The following HSD11B1 variants were observed in gnomAD, a reference collection of about 807,000 sequenced individuals.
HSD11B1 encodes 11-beta-hydroxysteroid dehydrogenase 1.
HSD11B1 carries 15 observed loss-of-function variants against 22.1 expected under a neutral mutation model. That is an observed-to-expected ratio of 0.68 (90% CI 0.45 to 1.04). The LOEUF (loss-of-function observed/expected upper bound fraction) is 1.04, where lower values mean the gene tolerates loss of function less well. Among genes scored for constraint, HSD11B1 ranks in the 50% least tolerant of loss-of-function variants. HSD11B1 has a pLI of 0.00. For missense variants in HSD11B1, 281 were observed against 357.6 expected (o/e 0.79, Z 1.73); for synonymous variants, 122 against 125.2 (o/e 0.97, Z 0.17).
chr1:209,729,272 T>A (rs1288773631), intron 4 of HSD11B1, among the ~76,000 whole-genome samples: 1 of 151,632 alleles, frequency 6.6e-6, no homozygotes, highest in Non-Finnish European at 1.5e-5. Flanking sequence ...GGCAGAAGAA[T>A]CACTAGAACT....
At chr1:209,714,863 G>A (rs1026336014) in intron 4 of HSD11B1, among the ~76,000 whole-genome samples, 1 of 152,194 alleles carries the variant, frequency 6.6e-6, no homozygotes, top group Non-Finnish European at 1.5e-5. Context: ...TGAGTGAGAT[G>A]AGGATGGCAT....
At chr1:209,726,573 G>C (rs1178590687) in intron 4 of HSD11B1, among the ~76,000 whole-genome samples, 4 of 152,148 alleles carry the variant, frequency 2.6e-5, no homozygotes, top group African/African-American at 9.7e-5. Context: ...GGGTGACAGA[G>C]TGAGACCCTG....
At chr1:209,721,469 C>CAAAAA (rs3059693) in intron 4 of HSD11B1, among the ~76,000 whole-genome samples, 2,119 of 101,746 alleles carry the variant, frequency 0.021, 82 homozygotes, top group African/African-American at 0.065. Context: ...ATTTCAAAAG[C>CAAAAA]AAAAAAAAAA....
At chr1:209,705,781 T>C (rs2076854883) in intron 1 of HSD11B1, 30 bp from the exon 2 acceptor site, 5 of 1,612,800 alleles carry the variant, frequency 3.1e-6, no homozygotes, top group Middle Eastern at 1.8e-4. Flanking sequence ...AACTTGGGTA[T>C]GGTCCTCACT....
At chr1:209,721,797 A>T (rs1420615938) in intron 4 of HSD11B1, among the ~76,000 whole-genome samples, 1 of 152,210 alleles carries the variant, frequency 6.6e-6, no homozygotes, top group Non-Finnish European at 1.5e-5. Flanking sequence ...TCCTTGGACT[A>T]CATGGTTGAT....
At chr1:209,719,054 A>AAAGAT (rs2076948983) in intron 4 of HSD11B1, among the ~76,000 whole-genome samples, 1 of 150,862 alleles carries the variant, frequency 6.6e-6, no homozygotes, top group Admixed American at 6.6e-5. Context: ...AAAGAAAAGA[A>AAAGAT]AGCAGGGTCT....
At chr1:209,721,440 T>C (rs1000282) in intron 4 of HSD11B1, among the ~76,000 whole-genome samples, 28,329 of 148,422 alleles carry the variant, frequency 0.19, 2,777 homozygotes, top group Non-Finnish European at 0.2. Context: ...TCTTGCAACT[T>C]TTCTTTAAGT....
At chr1:209,713,736 G>T (rs1217881768) in intron 4 of HSD11B1, among the ~76,000 whole-genome samples, 1 of 152,166 alleles carries the variant, frequency 6.6e-6, no homozygotes, top group African/African-American at 2.4e-5. Flanking sequence ...CAATGTAAAT[G>T]CTATGTAAAT....
intron 1 of HSD11B1, among the ~76,000 whole-genome samples, chr1:209,693,675 C>T (rs1199539031): frequency 6.6e-6 from 1 of 152,212 alleles, no homozygotes; most frequent in Non-Finnish European, 1.5e-5. Flanking sequence ...AAAGGATGCT[C>T]AGCCCAGCAC....
At position 209,734,457 on chromosome 1, in the gene HSD11B1, G is replaced by T. The variant is rs1262669246; in HGVS notation, c.815G>T (p.Cys272Phe). 6.2e-7 allele frequency: 1 copy of T among 1,614,116 alleles called. No individual in the cohort carries two copies. The highest frequency in any genetic ancestry group is 1.7e-5 in the Admixed American group (1 of 60,010). Reference protein sequence around the residue: ...LWTTLLIRNPCRKILEFLYST... With the variant: ...LWTTLLIRNPFRKILEFLYST... Reference sequence around the variant, plus strand: ...ACCACTCTTCTGATCAGAAATCCATGCAGGAAGATCCTGGAATTTCTCTAC... The same window carrying T: ...ACCACTCTTCTGATCAGAAATCCATTCAGGAAGATCCTGGAATTTCTCTAC... The change falls in exon 6 of 6, where the codon TGC becomes TTC. Residue 272 changes from cysteine (C) to phenylalanine (F), a missense_variant. Physicochemically the swap from Cys to Phe is radical, Grantham distance 205. Coordinates refer to ENST00000367027, the MANE Select transcript of HSD11B1 (RefSeq NM_005525.4).
intron 4 of HSD11B1, 95 bp from the exon 5 acceptor site, chr1:209,732,341 A>T: frequency 1.5e-6 from 2 of 1,348,522 alleles, no homozygotes; most frequent in Non-Finnish European, 2.1e-6. Context: ...TCAAAGGGGT[A>T]AAAGGACACC....
In HSD11B1 at chr1:209,705,878, T is replaced by C. The variant is rs940355476; in HGVS notation, c.156T>C (p.Tyr52=). Residue 52 remains tyrosine (Y), a synonymous_variant, in exon 2 of 6, where the codon TAT becomes TAC. Transcript: ENST00000367027. ...AAGGGATCGGAAGAGAGATGGCTTA[T>C]CATCTGGCGAAGATGGGAGCCCATG... ...ASKGIGREMA[Y]HLAKMGAHVV... is the part of the protein sequence containing the mutation. 6 of 1,613,928 alleles carry C rather than the reference T, an allele frequency of 3.7e-6. No individual in the cohort carries two copies. The highest frequency in any genetic ancestry group is 1.3e-5 in the African/African-American group (1 of 75,016).
chr1:209,692,607 C>CGGGGGA (rs796707879), intron 1 of HSD11B1, among the ~76,000 whole-genome samples: 1 of 48,226 alleles, frequency 2.1e-5, no homozygotes, highest in Non-Finnish European at 3.9e-5. Flanking sequence ...ATTAAAATGG[C>CGGGGGA]GGGGGGGGGG....
At chr1:209,711,541 A>G (rs1282331917) in intron 4 of HSD11B1, among the ~76,000 whole-genome samples, 1 of 152,136 alleles carries the variant, frequency 6.6e-6, no homozygotes, top group Non-Finnish European at 1.5e-5. Flanking sequence ...AAGCATTTAC[A>G]TGAGGGATGG....
At chr1:209,694,269 T>C (rs2076777865) in intron 1 of HSD11B1, among the ~76,000 whole-genome samples, 1 of 152,208 alleles carries the variant, frequency 6.6e-6, no homozygotes, top group Non-Finnish European at 1.5e-5. Context: ...ACTCAAAAAA[T>C]GCTTACTGAG....
At chr1:209,713,046 T>C (rs2076908440) in intron 4 of HSD11B1, among the ~76,000 whole-genome samples, 1 of 151,892 alleles carries the variant, frequency 6.6e-6, no homozygotes, top group Non-Finnish European at 1.5e-5. Flanking sequence ...TGAAACTCCA[T>C]CTCAAAAAAA....
intron 4 of HSD11B1, among the ~76,000 whole-genome samples, chr1:209,709,793 A>G (rs951083763): frequency 3.3e-5 from 5 of 152,248 alleles, no homozygotes; most frequent in African/African-American, 1.2e-4. Flanking sequence ...CAAAGGGAAC[A>G]TGTGTCCAAC....
At chr1:209,699,152 A>G (rs1359805711) in intron 1 of HSD11B1, among the ~76,000 whole-genome samples, 1 of 152,046 alleles carries the variant, frequency 6.6e-6, no homozygotes, top group Non-Finnish European at 1.5e-5. Context: ...ACAAAATTGC[A>G]TGAAATGATA....
At chr1:209,713,448 G>A (rs539081985) in intron 4 of HSD11B1, among the ~76,000 whole-genome samples, 1 of 152,284 alleles carries the variant, frequency 6.6e-6, no homozygotes, top group South Asian at 2.1e-4. Context: ...GTTGTTGGGT[G>A]TGTTGTTTTT....
Sources: gnomAD v4.1 joint callset for allele counts (sites outside exome capture counted in the v4.1 genomes callset) on GRCh38, gnomAD v4.1.1 for gene constraint, MANE v1.5 for transcripts, NCBI Gene and HGNC (gene_info 2026-07-23, HGNC 2026-07-21) for gene names.